Variants in USH2A observed in about 807,000 individuals in gnomAD.
USH2A encodes usherin.
A neutral mutation model predicts 538.9 loss-of-function variants in USH2A; 443 were observed. That is an observed-to-expected ratio of 0.82 (90% CI 0.76 to 0.89). The LOEUF (loss-of-function observed/expected upper bound fraction) is 0.89, where lower values mean the gene tolerates loss of function less well. USH2A is among the 40% of genes least tolerant of loss of function. The pLI, the probability that USH2A is intolerant of heterozygous loss-of-function variation, is 0.00. For missense variants in USH2A, 6,633 were observed against 6,324.8 expected (o/e 1.05, Z -1.65); for synonymous variants, 2,413 against 2,273.5 (o/e 1.06, Z -1.75).
chr1:216,123,474 T>C (rs1217503741), intron 21 of USH2A, among the ~76,000 whole-genome samples: 2 of 152,206 alleles, frequency 1.3e-5, no homozygotes, highest in Non-Finnish European at 2.9e-5. Context: ...GCTGTTGCAA[T>C]TGTTATGCCT....
At chr1:216,053,739 GCT>G (rs1422127997) in intron 30 of USH2A, among the ~76,000 whole-genome samples, 1 of 152,156 alleles carries the variant, frequency 6.6e-6, no homozygotes, top group African/African-American at 2.4e-5. Flanking sequence ...AACTCTCACT[GCT>G]AAGCGATAAT....
rs547643332 is a variant in USH2A at position 216,213,811 on chromosome 1, G to A, written c.3157+3576C>T. ...AAAATGAAAAACAAATCCACAGAAT[G>A]AGAGGACTATTTGCAAGTTTTATCC... On this transcript the variant is annotated intron_variant, in intron 15 of 71. Transcript: ENST00000307340. Among the ~76,000 whole-genome samples the A allele has an allele frequency of 3.3e-5, 5 of 152,098 alleles. No homozygotes were observed. In the South Asian group the frequency reaches 1.0e-3, roughly 32 times the overall value.
chr1:215,806,536 A>G (rs1420511618), intron 49 of USH2A, among the ~76,000 whole-genome samples: 2 of 152,136 alleles, frequency 1.3e-5, no homozygotes, highest in African/African-American at 2.4e-5. Context: ...AAAGATGTCT[A>G]TCAATCTGGC....
rs144514099 is a variant in USH2A at position 216,229,321 on chromosome 1, CT to C, written c.2993+2631del. On this transcript the variant is annotated intron_variant, in intron 14 of 71. Coordinates refer to ENST00000307340, the MANE Select transcript of USH2A (RefSeq NM_206933.4). ...GTCTGCTTTCTCTCTCTCTTTTTTG[CT>C]TTTTTTTTTCTGAGACAGGGTCTCG... Among the ~76,000 whole-genome samples, 1,120 of 148,716 alleles carry C rather than the reference CT, an allele frequency of 7.5e-3. 18 individuals are homozygous for C. Among genetic ancestry groups the C allele is most frequent in the Non-Finnish European group, 0.012 (830 of 66,836 alleles).
chr1:216,356,731 A>G (rs184088257), intron 4 of USH2A, among the ~76,000 whole-genome samples: 77 of 152,188 alleles, frequency 5.1e-4, no homozygotes, highest in African/African-American at 1.8e-3. Flanking sequence ...TGAAGTTTTT[A>G]ACTGATTCCA....
Position 215,656,593 on chromosome 1 carries a change from C to T in USH2A, c.14134-5792G>A, listed in dbSNP as rs1004890009. Among the ~76,000 whole-genome samples, 6 of 152,258 alleles carry T rather than the reference C, an allele frequency of 3.9e-5. 1 individual carries two copies. The South Asian group carries it at 8.3e-4, about 21-fold the overall frequency. On this transcript the variant is annotated intron_variant, in intron 64 of 71. Coordinates refer to ENST00000307340, the MANE Select transcript of USH2A (RefSeq NM_206933.4). Reference sequence around the variant, plus strand: ...ATGTAAGTGATGATGACTGTCTTTACGCTTGGAGCAATTTGAGATTTTTGT... The same window carrying T: ...ATGTAAGTGATGATGACTGTCTTTATGCTTGGAGCAATTTGAGATTTTTGT...
intron 14 of USH2A, among the ~76,000 whole-genome samples, chr1:216,221,109 A>G (rs1020208900): frequency 7.2e-5 from 11 of 152,162 alleles, no homozygotes; most frequent in Non-Finnish European, 1.0e-4. Flanking sequence ...TTAATAGTGA[A>G]TAAAGCACCA....
chr1:216,145,384 G>A (rs780070048), intron 21 of USH2A, among the ~76,000 whole-genome samples: 2 of 152,176 alleles, frequency 1.3e-5, no homozygotes, highest in Non-Finnish European at 2.9e-5. Flanking sequence ...GTAGTCATGT[G>A]CTAGATCAAA....
rs142187897 is a variant in USH2A, at chr1:215,771,967, T to A, written c.10940-5179A>T. On this transcript the variant is annotated intron_variant, in intron 55 of 71. Transcript: ENST00000307340. ...TTTTCATATTGTTAGAGGACTGGAT[T>A]ACTAATAGGCTTGGTTCAGATAATC... Among the ~76,000 whole-genome samples the A allele has an allele frequency of 5.4e-3, 825 of 152,318 alleles. 8 individuals are homozygous for A. Among genetic ancestry groups the A allele is most frequent in the South Asian group, 0.015 (70 of 4,818 alleles).
intron 35 of USH2A, among the ~76,000 whole-genome samples, chr1:215,977,037 AAAC>A (rs781458913): frequency 1.3e-4 from 19 of 151,566 alleles, no homozygotes; most frequent in Non-Finnish European, 2.1e-4. Flanking sequence ...TTCCTACCAA[AAAC>A]AACAACAACA....
rs1235988648 is a variant in USH2A at position 215,728,233 on chromosome 1, A to G, written c.11863T>C (p.Trp3955Arg). ...CNSKGSVESL[W>R]SLTQTLEAPP... ...GCTTCCAGAGTTTGTGTTAATGACC[A>G]CAGACTCTCCACTGAACCCTTGGAG... is the stretch of plus-strand genomic sequence containing the variant. Residue 3955 changes from tryptophan (W) to arginine (R), a missense_variant, in exon 61 of 72, where the codon TGG (tryptophan) becomes CGG (arginine). Trp to Arg is a moderately radical substitution (Grantham distance 101, BLOSUM62 -3). Transcript: ENST00000307340. The G allele has an allele frequency of 3.1e-6, 5 of 1,614,160 alleles. No homozygotes were observed. Among genetic ancestry groups the G allele is most frequent in the Non-Finnish European group, 4.2e-6 (5 of 1,180,032 alleles).
rs2032220637 is a variant in USH2A, at chr1:216,089,060, A to AT, written c.4837dup (p.Ile1613AsnfsTer2). 6.2e-7 allele frequency: 1 copy of AT among 1,613,436 alleles called. No individual in the cohort carries two copies. Among genetic ancestry groups the AT allele is most frequent in the Non-Finnish European group, 8.5e-7 (1 of 1,179,648 alleles). On this transcript the variant is annotated frameshift_variant, in exon 23 of 72. Coordinates refer to ENST00000307340, the MANE Select transcript of USH2A (RefSeq NM_206933.4). LOFTEE classifies it high-confidence loss of function. ...GATTTGGCCAAAAGCCTGATGCCTA[A>AT]TAGCAATTATTTCATGCCATTTTCC...
In USH2A at chr1:215,766,672, T is replaced by C. The variant is rs2102748053; in HGVS notation, c.11047+9A>G. The C allele has an allele frequency of 1.9e-6, 3 of 1,611,858 alleles. No homozygotes were observed. Among genetic ancestry groups the C allele is most frequent in the Non-Finnish European group, 2.5e-6 (3 of 1,178,032 alleles). On this transcript the variant is annotated intron_variant, in intron 56 of 71. Coordinates refer to ENST00000307340, the MANE Select transcript of USH2A (RefSeq NM_206933.4). ...TTCTTCCCTCAAACCATGGATATTGTTTCATTACCTTCAGGAGCTGCCTGC... is the reference window on the plus strand; with the variant it reads ...TTCTTCCCTCAAACCATGGATATTGCTTCATTACCTTCAGGAGCTGCCTGC...
At chr1:215,703,546 A>C (rs1659094243) in intron 61 of USH2A, among the ~76,000 whole-genome samples, 1 of 152,164 alleles carries the variant, frequency 6.6e-6, no homozygotes, top group Non-Finnish European at 1.5e-5. Context: ...GTCTGGCTAC[A>C]GCGGCTTTGC....
chr1:215,781,870 C>T (rs1214802409), intron 54 of USH2A, among the ~76,000 whole-genome samples, 172 bp downstream of exon 54: 2 of 152,142 alleles, frequency 1.3e-5, no homozygotes, highest in African/African-American at 4.8e-5. Context: ...ATGATCTCTC[C>T]TTCCAGCCAT....
At chr1:216,035,991 G>C (rs927663624) in intron 32 of USH2A, among the ~76,000 whole-genome samples, 3 of 152,276 alleles carry the variant, frequency 2.0e-5, no homozygotes, top group African/African-American at 7.2e-5. Flanking sequence ...AATGACAAAT[G>C]TGTAGGAATT....
intron 11 of USH2A, among the ~76,000 whole-genome samples, 165 bp from the exon 12 acceptor site, chr1:216,251,263 C>CAGGGGGA (rs2036156119): frequency 6.6e-6 from 1 of 151,746 alleles, no homozygotes; most frequent in Non-Finnish European, 1.5e-5. Flanking sequence ...GAGGCTTCAG[C>CAGGGGGA]AGGGGGAATA....
chr1:215,990,201 T>C (rs945176993), intron 35 of USH2A, among the ~76,000 whole-genome samples: 1 of 152,096 alleles, frequency 6.6e-6, no homozygotes, highest in African/African-American at 2.4e-5. Flanking sequence ...GAAAAGAAAA[T>C]TAAAAATTCT....
intron 49 of USH2A, among the ~76,000 whole-genome samples, chr1:215,807,260 T>C (rs1662530506): frequency 6.6e-6 from 1 of 152,168 alleles, no homozygotes; most frequent in Admixed American, 6.6e-5. Context: ...TTAGTTTTAG[T>C]TCAATGAGAC....
Sources: allele counts gnomAD v4.1 joint callset (sites outside exome capture counted in the v4.1 genomes callset), GRCh38; gene constraint gnomAD v4.1.1; transcripts MANE v1.5; gene names NCBI Gene and HGNC (gene_info 2026-07-23, HGNC 2026-07-21).